Variants in VPS13A observed in about 807,000 individuals in gnomAD.
The protein encoded by VPS13A is vacuolar protein sorting 13 homolog A, also known as intermembrane lipid transfer protein VPS13A.
VPS13A carries 264 observed loss-of-function variants against 390.9 expected under a neutral mutation model. The observed-to-expected ratio is 0.68, with a 90% CI of 0.61 to 0.75. The LOEUF (loss-of-function observed/expected upper bound fraction) is 0.75, where lower values mean the gene tolerates loss of function less well. Ranked by LOEUF, VPS13A falls within the 30% of genes least tolerant of loss-of-function variation. The pLI is 0.00. For synonymous variants in VPS13A, 1,231 were observed against 1,227.1 expected, an observed-to-expected ratio of 1.00 and a Z score of -0.07; for missense variants, 3,409 against 3,733.9, an observed-to-expected ratio of 0.91 and a Z score of 2.27.
chr9:77,380,183 T>C (rs1563977131), intron 67 of VPS13A, among the ~76,000 whole-genome samples: 1 of 152,326 alleles, frequency 6.6e-6, no homozygotes, highest in East Asian at 1.9e-4. Flanking sequence ...TTTTAGTTAC[T>C]GTTCACTTTG....
intron 7 of VPS13A, chr9:77,211,097 A>C (rs1192386224): frequency 5.9e-6 from 1 of 169,632 alleles, no homozygotes; most frequent in Non-Finnish European, 1.3e-5. Context: ...GAATTTTAAA[A>C]ATATAAGAAC....
intron 68 of VPS13A, among the ~76,000 whole-genome samples, chr9:77,387,849 ATACT>A (rs1563983161): frequency 6.6e-6 from 1 of 151,688 alleles, no homozygotes; most frequent in East Asian, 1.9e-4. Context: ...GAGCCACTGC[ATACT>A]TATGACATCA....
Position 77,417,232 on chromosome 9 carries a change from T to C in VPS13A, c.*1226T>C, listed in dbSNP as rs1835196222. On this transcript the variant is annotated 3_prime_UTR_variant, in exon 72 of 72. Coordinates refer to ENST00000360280, the MANE Select transcript of VPS13A (RefSeq NM_033305.3). ...AATACAGAGTATTCAATGCATGTTG[T>C]ATGTGCCACCAAGTTACTATTAACT... 6.6e-6 allele frequency: 1 copy of C among 152,218 alleles called. No homozygotes were observed. Among genetic ancestry groups the C allele is most frequent in the Non-Finnish European group, 1.5e-5 (1 of 68,030 alleles). 9.4% of individuals were successfully genotyped at this position (152,218 alleles called of 1,614,324 possible).
rs1428094656 is a variant in VPS13A, at chr9:77,275,619, G to T, written c.2634G>T (p.Met878Ile). 6 of 1,613,410 alleles carry T rather than the reference G, an allele frequency of 3.7e-6. No homozygotes were observed. In the African/African-American group the frequency reaches 6.7e-5, roughly 18 times the overall value. The change falls in exon 25 of 72, where the codon ATG becomes ATT. Residue 878 changes from methionine (M) to isoleucine (I), a missense_variant. By Grantham distance (10) the Met-to-Ile change is conservative (BLOSUM62 1). Transcript: ENST00000360280. ...KLQKQDCSVN[M>I]TTFKIRFEVP... ...AAAAGCAGGATTGTTCAGTAAATATGACTACATTTAAAATAAGATTTGAAG... is the reference window on the plus strand; with the variant it reads ...AAAAGCAGGATTGTTCAGTAAATATTACTACATTTAAAATAAGATTTGAAG...
At position 77,238,196 on chromosome 9, in the gene VPS13A, G is replaced by A; in HGVS notation, c.1785+5G>A. 3.1e-6 allele frequency: 5 copies of A among 1,612,250 alleles called. No individual in the cohort carries two copies. Among genetic ancestry groups the A allele is most frequent in the Non-Finnish European group, 4.2e-6 (5 of 1,178,600 alleles). ...TTAGAAATCATATATGATGCAGTAAGCATTTTTTTAAATTACTAAGTTTTA... is the reference window on the plus strand; with the variant it reads ...TTAGAAATCATATATGATGCAGTAAACATTTTTTTAAATTACTAAGTTTTA... On this transcript the variant is annotated splice_donor_5th_base_variant and intron_variant, in intron 18 of 71. Transcript: ENST00000360280.
chr9:77,292,313 T>C lies in VPS13A; in HGVS notation c.3340-1028T>C, dbSNP rs541427838. On this transcript the variant is annotated intron_variant, in intron 31 of 71. Transcript: ENST00000360280. Reference sequence around the variant, plus strand: ...TACCTATATTGTATAGTATCTGACATCTCTTTCTCCTCTCTACCACAAGTG... The same window carrying C: ...TACCTATATTGTATAGTATCTGACACCTCTTTCTCCTCTCTACCACAAGTG... Among the ~76,000 whole-genome samples the C allele has an allele frequency of 6.6e-5, 10 of 152,312 alleles. No homozygotes were observed. The East Asian group carries it at 1.9e-3, about 29-fold the overall frequency.
chr9:77,321,127 T>C (rs1366070242), intron 42 of VPS13A, 42 bp from the exon 43 acceptor site: 2 of 1,559,358 alleles, frequency 1.3e-6, no homozygotes, highest in East Asian at 4.5e-5. Context: ...TATGTTGTGT[T>C]CTTAGAATTT....
chr9:77,370,848 A>T, intron 65 of VPS13A, 42 bp from the exon 66 acceptor site: 1 of 1,611,784 alleles, frequency 6.2e-7, no homozygotes, highest in Non-Finnish European at 8.5e-7. Context: ...TCTAGGCATC[A>T]TAAAAAAGTA....
At chr9:77,240,744 G>T (rs1253496753) in intron 19 of VPS13A, among the ~76,000 whole-genome samples, 2 of 152,078 alleles carry the variant, frequency 1.3e-5, no homozygotes, top group Non-Finnish European at 2.9e-5. Context: ...AAAGTGCTGG[G>T]ATTACAGGCA....
chr9:77,334,158 C>T (rs1351778350), intron 46 of VPS13A, among the ~76,000 whole-genome samples: 1 of 152,106 alleles, frequency 6.6e-6, no homozygotes, highest in Non-Finnish European at 1.5e-5. Context: ...GATAAGGAAG[C>T]ATGAAAGCAT....
At position 77,394,023 on chromosome 9, in the gene VPS13A, G is replaced by A. The variant is rs926820270; in HGVS notation, c.9190-9213G>A. On this transcript the variant is annotated intron_variant, in intron 68 of 71. Coordinates refer to ENST00000360280, the MANE Select transcript of VPS13A (RefSeq NM_033305.3). ...CCTCAGGTGATCCACCCACCTCGGC[G>A]TCCCAAAGTGCTAGGATTACAGGCA... Among the ~76,000 whole-genome samples the A allele has an allele frequency of 9.2e-5, 14 of 151,438 alleles. No individual in the cohort carries two copies. The South Asian group carries it at 1.3e-3, about 14-fold the overall frequency.
At chr9:77,227,068 GA>G (rs1823558803) in intron 15 of VPS13A, among the ~76,000 whole-genome samples, 1 of 152,122 alleles carries the variant, frequency 6.6e-6, no homozygotes, top group African/African-American at 2.4e-5. Context: ...AACATGGGAG[GA>G]AATTACAATG....
chr9:77,401,184 C>T (rs1006904018), intron 68 of VPS13A, among the ~76,000 whole-genome samples: 7 of 152,130 alleles, frequency 4.6e-5, no homozygotes, highest in Admixed American at 6.5e-5. Flanking sequence ...TAATGTCTTC[C>T]AGAGTAGTTC....
chr9:77,363,390 ATTTTTTTTTTTTTAT>A (rs951485387), intron 59 of VPS13A, among the ~76,000 whole-genome samples: 27 of 115,802 alleles, frequency 2.3e-4, no homozygotes, highest in South Asian at 5.9e-4. Flanking sequence ...TATTACATTA[ATTTTTTTTTTTTTAT>A]TTTTTTTTTT....
At position 77,238,382 on chromosome 9, in the gene VPS13A, A is replaced by C. The variant is rs913841447; in HGVS notation, c.1896A>C (p.Ala632=). The C allele has an allele frequency of 6.2e-7, 1 of 1,611,172 alleles. No homozygotes were observed. Among genetic ancestry groups the C allele is most frequent in the Non-Finnish European group, 8.5e-7 (1 of 1,177,296 alleles). ...TKLEEFRSKT[A]TGLLYIIETQ... is the part of the protein sequence containing the mutation. ...TGGAAGAATTTCGCAGTAAGACAGC[A>C]ACAGGTAAATGCCAATATTAATGTT... Residue 632 remains alanine, a synonymous_variant, in exon 19 of 72, where the codon GCA becomes GCC. Coordinates refer to ENST00000360280, the MANE Select transcript of VPS13A (RefSeq NM_033305.3).
chr9:77,369,510 A>G (rs529315631), intron 63 of VPS13A, 98 bp downstream of exon 63: 1 of 848,344 alleles, frequency 1.2e-6, no homozygotes, highest in Non-Finnish European at 2.0e-6. Flanking sequence ...GTGCAAACAG[A>G]TTTTGGAACA....
chr9:77,264,717 A>G (rs959233279), intron 23 of VPS13A, among the ~76,000 whole-genome samples: 2 of 152,172 alleles, frequency 1.3e-5, no homozygotes, highest in African/African-American at 2.4e-5. Flanking sequence ...GGGGTTTTCT[A>G]AATATACAGT....
intron 1 of VPS13A, among the ~76,000 whole-genome samples, chr9:77,181,484 C>G (rs1187331482): frequency 2.1e-5 from 3 of 139,624 alleles, no homozygotes; most frequent in Non-Finnish European, 3.0e-5. Flanking sequence ...CCATTGCCCT[C>G]TAGCCTGGCC....
At chr9:77,276,036 T>C in intron 25 of VPS13A, 29 bp from the exon 26 acceptor site, 1 of 1,606,900 alleles carries the variant, frequency 6.2e-7, no homozygotes, top group Non-Finnish European at 8.5e-7. Context: ...TTTTATGTAG[T>C]GGTAATTTCT....
Sources: gnomAD v4.1 joint callset for allele counts (sites outside exome capture counted in the v4.1 genomes callset) on GRCh38, gnomAD v4.1.1 for gene constraint, MANE v1.5 for transcripts, NCBI Gene and HGNC (gene_info 2026-07-23, HGNC 2026-07-21) for gene names.